The following RAD23B variants were observed in gnomAD, a reference collection of about 807,000 sequenced individuals.
RAD23B encodes lysine-specific demethylase RAD23B.
RAD23B carries 5 observed loss-of-function variants against 49.1 expected under a neutral mutation model. The observed-to-expected ratio is 0.10, with a 90% CI of 0.05 to 0.21. The LOEUF (loss-of-function observed/expected upper bound fraction) is 0.21, where lower values mean the gene tolerates loss of function less well. Among genes scored for constraint, RAD23B ranks in the 10% least tolerant of loss-of-function variants. RAD23B has a pLI of 1.00. For missense variants in RAD23B, 356 were observed against 486.7 expected (o/e 0.73, Z 2.53); for synonymous variants, 184 against 165.4 (o/e 1.11, Z -0.86).
At position 107,331,588 on chromosome 9, in the gene RAD23B, A is replaced by G. The variant is rs563214216; in HGVS notation, c.*1932A>G. The G allele has an allele frequency of 6.1e-5, 44 of 720,910 alleles. No individual in the cohort carries two copies. In the African/African-American group the frequency reaches 7.2e-4, roughly 12 times the overall value. 44.7% of individuals were successfully genotyped at this position (720,910 alleles called of 1,614,324 possible). On this transcript the variant is annotated 3_prime_UTR_variant, in exon 10 of 10. Transcript: ENST00000358015. ...TACGTTCATCTTTCAAGTCAGAGCAATGAGTTGGGAAAAGAGGTGGCATTT... is the reference window on the plus strand; with the variant it reads ...TACGTTCATCTTTCAAGTCAGAGCAGTGAGTTGGGAAAAGAGGTGGCATTT...
chr9:107,321,841 C>A (rs983207635), intron 6 of RAD23B, 142 bp from the exon 7 acceptor site: 5 of 968,706 alleles, frequency 5.2e-6, no homozygotes, highest in Admixed American at 7.4e-5. Context: ...GCTTAATAAT[C>A]CTTTACTTTT....
chr9:107,303,686 ATCTG>A (rs1178480277), intron 3 of RAD23B, among the ~76,000 whole-genome samples: 1 of 152,182 alleles, frequency 6.6e-6, no homozygotes. Context: ...ATTGAGGTTC[ATCTG>A]TCTATGTTAT....
intron 8 of RAD23B, 91 bp downstream of exon 8, chr9:107,324,108 C>G: frequency 2.4e-5 from 31 of 1,312,494 alleles, no homozygotes; most frequent in Non-Finnish European, 3.2e-5. Flanking sequence ...TCAAATACAA[C>G]TCTGTATTTG....
At chr9:107,290,766 T>A (rs1045672861) in intron 1 of RAD23B, among the ~76,000 whole-genome samples, 3 of 152,252 alleles carry the variant, frequency 2.0e-5, no homozygotes, top group Admixed American at 2.0e-4. Context: ...ATCATTTCAC[T>A]ATTCTTTCTT....
chr9:107,319,653 A>T (rs1827071554), intron 6 of RAD23B, among the ~76,000 whole-genome samples: 1 of 152,212 alleles, frequency 6.6e-6, no homozygotes. Flanking sequence ...TTACCAACGT[A>T]ACATCATGCA....
intron 5 of RAD23B, among the ~76,000 whole-genome samples, chr9:107,315,513 G>T (rs1213185276): frequency 2.6e-5 from 4 of 151,332 alleles, no homozygotes; most frequent in African/African-American, 9.7e-5. Context: ...TGTTTTTTTT[G>T]TTTTGTTTTG....
intron 5 of RAD23B, among the ~76,000 whole-genome samples, chr9:107,313,741 A>G (rs572384329): frequency 6.6e-5 from 10 of 152,318 alleles, no homozygotes; most frequent in South Asian, 6.2e-4. Flanking sequence ...CCATGACTTC[A>G]GGTTTCAAAC....
rs1826773373 is a variant in RAD23B at position 107,306,393 on chromosome 9, C to T, written c.243C>T (p.Ser81=). The T allele has an allele frequency of 6.2e-7, 1 of 1,613,672 alleles. No homozygotes were observed. Among genetic ancestry groups the T allele is most frequent in the South Asian group, 1.1e-5 (1 of 91,048 alleles). ...AATGTGTTTAGCCCAAAGCAGTGTC[C>T]ACACCAGCACCAGCTACAACTCAGC... is the stretch of plus-strand genomic sequence containing the variant. ...VVMVTKPKAV[S]TPAPATTQQS... is the part of the protein sequence containing the mutation. Residue 81 remains serine (S), a synonymous_variant, in exon 4 of 10, where the codon TCC becomes TCT. Transcript: ENST00000358015.
chr9:107,312,661 CAGTGTGAGTT>C (rs1322552269), intron 5 of RAD23B, among the ~76,000 whole-genome samples: 3 of 152,318 alleles, frequency 2.0e-5, no homozygotes, highest in African/African-American at 7.2e-5. Context: ...CTATCAAATA[CAGTGTGAGTT>C]AGTCTCTAGC....
intron 4 of RAD23B, among the ~76,000 whole-genome samples, chr9:107,310,320 T>C (rs7043962): frequency 0.75 from 113,776 of 152,092 alleles, 43,517 homozygotes; most frequent in African/African-American, 0.92. Flanking sequence ...GAAGTCATTC[T>C]TAAGCAAGAC....
chr9:107,287,397 C>T (rs1484236690), intron 1 of RAD23B, among the ~76,000 whole-genome samples: 2 of 152,076 alleles, frequency 1.3e-5, no homozygotes, highest in Non-Finnish European at 2.9e-5. Context: ...AATGCAAAAG[C>T]TGAAATGTGA....
chr9:107,298,420 A>T (rs1826578225), intron 1 of RAD23B, among the ~76,000 whole-genome samples: 1 of 140,712 alleles, frequency 7.1e-6, no homozygotes. Flanking sequence ...TGATTCTTGT[A>T]CCTCGTCCTC....
At position 107,303,356 on chromosome 9, in the gene RAD23B, A is replaced by G. The variant is rs567644019; in HGVS notation, c.228+1242A>G. Among the ~76,000 whole-genome samples the G allele has an allele frequency of 4.3e-4, 66 of 152,326 alleles. No homozygotes were observed. The South Asian group carries it at 0.011, about 24-fold the overall frequency. ...AATTCTAATTACCACATGCTTTTGT[A>G]CTGGGAGCAAGCAGCTAAATAGTTT... On this transcript the variant is annotated intron_variant, in intron 3 of 9. Coordinates refer to ENST00000358015, the MANE Select transcript of RAD23B (RefSeq NM_002874.5).
chr9:107,292,041 CTG>C (rs1833392556), intron 1 of RAD23B, among the ~76,000 whole-genome samples: 1 of 152,194 alleles, frequency 6.6e-6, no homozygotes, highest in South Asian at 2.1e-4. Context: ...ACTGTAGACT[CTG>C]TATATCCCTC....
chr9:107,306,467 C>G lies in RAD23B; in HGVS notation c.317C>G (p.Thr106Ser). The change falls in exon 4 of 10, where the codon ACT (threonine) becomes AGT (serine). Residue 106 changes from threonine (T) to serine (S), a missense_variant. Around this residue, in one of 5 missense-constraint regions of RAD23B, gnomAD observed 137 missense variants for 122.0 expected, o/e 1.12. Coordinates refer to ENST00000358015, the MANE Select transcript of RAD23B (RefSeq NM_002874.5). ...GCAGTTACTTCCTCCACCACCACAA[C>G]TGTGGCTCAGGCTCCAACCCCTGTC... ...TTAVTSSTTT[T>S]VAQAPTPVPA... 6.2e-7 allele frequency: 1 copy of G among 1,614,228 alleles called. No homozygotes were observed. The highest frequency in any genetic ancestry group is 8.5e-7 in the Non-Finnish European group (1 of 1,180,046).
At chr9:107,283,815 T>C in intron 1 of RAD23B, 120 bp downstream of exon 1, 2 of 989,934 alleles carry the variant, frequency 2.0e-6, no homozygotes, top group Non-Finnish European at 2.6e-6. Context: ...ATGAGGGCCC[T>C]GGGTCCTGGT....
chr9:107,327,550 A>C (rs1216418477), intron 9 of RAD23B, among the ~76,000 whole-genome samples: 1 of 152,098 alleles, frequency 6.6e-6, no homozygotes, highest in African/African-American at 2.4e-5. Context: ...GATTGTGTTA[A>C]TTTCCACAAG....
Position 107,322,430 on chromosome 9 carries a change from G to C in RAD23B, c.817+312G>C, listed in dbSNP as rs11573704. ...TTTCTGATGCCATTCAGAATGGTTT[G>C]CTCACTTTGTCTCTTACTCTCTCCA... On this transcript the variant is annotated intron_variant, in intron 7 of 9. Coordinates refer to ENST00000358015, the MANE Select transcript of RAD23B (RefSeq NM_002874.5). 4.4e-3 allele frequency among the ~76,000 whole-genome samples: 672 copies of C among 152,314 alleles called. 8 individuals carry two copies. Among genetic ancestry groups the C allele is most frequent in the African/African-American group, 0.015 (628 of 41,562 alleles).
At chr9:107,291,608 G>A (rs529620111) in intron 1 of RAD23B, among the ~76,000 whole-genome samples, 3 of 152,234 alleles carry the variant, frequency 2.0e-5, no homozygotes, top group African/African-American at 7.2e-5. Flanking sequence ...ACTGAAGTCA[G>A]CTGACATTTT....
Sources: gnomAD v4.1 joint callset for allele counts (sites outside exome capture counted in the v4.1 genomes callset) on GRCh38, gnomAD v4.1.1 for gene constraint, gnomAD v4.1.1 regional missense constraint, MANE v1.5 for transcripts, NCBI Gene and HGNC (gene_info 2026-07-23, HGNC 2026-07-21) for gene names.